Variants in NCBP1 observed in about 807,000 individuals in gnomAD.
NCBP1 encodes nuclear cap-binding protein subunit 1.
A neutral mutation model predicts 111.7 loss-of-function variants in NCBP1; 16 were observed. That is an observed-to-expected ratio of 0.14 (90% CI 0.10 to 0.22). The LOEUF is 0.22. Among genes scored for constraint, NCBP1 ranks in the 10% least tolerant of loss-of-function variants. NCBP1 has a pLI of 1.00. For synonymous variants in NCBP1, 304 were observed against 314.3 expected, an observed-to-expected ratio of 0.97 and a Z score of 0.35; for missense variants, 607 against 957.5, an observed-to-expected ratio of 0.63 and a Z score of 4.83.
rs144783604 is a variant in NCBP1 at position 97,660,208 on chromosome 9, G to A, written c.1478-738G>A. Reference sequence around the variant, plus strand: ...GTAATATGACTGTCCTCACATGACTGTTGTAATTTACTTTATTCATTCCAG... The same window carrying A: ...GTAATATGACTGTCCTCACATGACTATTGTAATTTACTTTATTCATTCCAG... On this transcript the variant is annotated intron_variant, in intron 15 of 22. Transcript: ENST00000375147. Among the ~76,000 whole-genome samples the A allele has an allele frequency of 2.0e-3, 300 of 152,256 alleles. 3 individuals carry two copies. The highest frequency in any genetic ancestry group is 0.016 in the South Asian group (78 of 4,816).
rs751262447 is a variant in NCBP1 at position 97,659,349 on chromosome 9, C to A, written c.1477+606C>A. Among the ~76,000 whole-genome samples, 49 of 152,296 alleles carry A rather than the reference C, an allele frequency of 3.2e-4. 1 individual carries two copies. The highest frequency in any genetic ancestry group is 5.9e-4 in the Non-Finnish European group (40 of 68,028). ...ACACTTAACACAGCCCCTCCATGAT[C>A]CTTCCATTTTGTGTTGTGTAGAGGT... On this transcript the variant is annotated intron_variant, in intron 15 of 22. Transcript: ENST00000375147.
chr9:97,645,864 C>T, intron 6 of NCBP1, 132 bp downstream of exon 6: 3 of 1,106,382 alleles, frequency 2.7e-6, no homozygotes, highest in Non-Finnish European at 2.5e-6. Flanking sequence ...TGTTCTCCTG[C>T]TGTTTTAACT....
At chr9:97,641,235 A>G (rs543430552) in intron 2 of NCBP1, among the ~76,000 whole-genome samples, 3 of 152,198 alleles carry the variant, frequency 2.0e-5, no homozygotes, top group African/African-American at 7.2e-5. Context: ...GTGTCCTCCC[A>G]TTTCTAATAC....
Position 97,664,376 on chromosome 9 carries a change from C to G in NCBP1, c.1834C>G (p.Gln612Glu). 1 of 1,612,912 alleles carries G rather than the reference C, an allele frequency of 6.2e-7. No individual in the cohort carries two copies. The highest frequency in any genetic ancestry group is 8.5e-7 in the Non-Finnish European group (1 of 1,179,008). The change falls in exon 19 of 23, where the codon CAA becomes GAA. Residue 612 changes from glutamine (Q) to glutamate (E), a missense_variant. Around this residue, in one of 9 missense-constraint regions of NCBP1, gnomAD observed 282 missense variants for 376.5 expected, o/e 0.75. Transcript: ENST00000375147. ...AVLVDKMIRT[Q>E]IVDCAAVANW... ...ACTAGTGGATAAGATGATTCGTACA[C>G]AAATAGTTGATTGTGCTGCCGTAGC...
At chr9:97,651,109 A>G (rs1587710325) in intron 9 of NCBP1, among the ~76,000 whole-genome samples, 1 of 152,312 alleles carries the variant, frequency 6.6e-6, no homozygotes, top group African/African-American at 2.4e-5. Flanking sequence ...TTGAGCTTTC[A>G]AGAAATTTTG....
intron 10 of NCBP1, among the ~76,000 whole-genome samples, chr9:97,653,431 T>C (rs1387626876): frequency 6.6e-6 from 1 of 152,148 alleles, no homozygotes; most frequent in Admixed American, 6.5e-5. Context: ...TAAGAGTTCT[T>C]GTTATTTATA....
intron 22 of NCBP1, chr9:97,669,914 A>G: frequency 2.0e-6 from 1 of 506,636 alleles, no homozygotes; most frequent in Non-Finnish European, 3.5e-6. Flanking sequence ...CCACCCCCCC[A>G]ACAACCCCCC....
chr9:97,645,784 T>A (rs764096465), intron 6 of NCBP1, 52 bp downstream of exon 6: 1 of 1,585,518 alleles, frequency 6.3e-7, no homozygotes, highest in African/African-American at 1.3e-5. Context: ...GGATATCTTA[T>A]ATCAGTGATA....
intron 10 of NCBP1, among the ~76,000 whole-genome samples, chr9:97,652,528 G>A (rs1827527383): frequency 6.6e-6 from 1 of 152,218 alleles, no homozygotes; most frequent in African/African-American, 2.4e-5. Context: ...TTAGGGGTGG[G>A]AGGATCACTT....
chr9:97,643,241 A>G lies in NCBP1; in HGVS notation c.262A>G (p.Thr88Ala), dbSNP rs561132889. Residue 88 changes from threonine (T) to alanine (A), a missense_variant, in exon 4 of 23, where the codon ACA (threonine) becomes GCA (alanine). Transcript: ENST00000375147. ...ACCTGAGAAGCTGACAATTTATACA[A>G]CATTAGTTGGACTACTGAATGCCAG... ...LLPEKLTIYTTLVGLLNARNY... is the reference protein window; with the variant it reads ...LLPEKLTIYTALVGLLNARNY... The G allele has an allele frequency of 3.7e-6, 6 of 1,611,164 alleles. No individual in the cohort carries two copies. Among genetic ancestry groups the G allele is most frequent in the African/African-American group, 1.3e-5 (1 of 74,822 alleles).
In NCBP1 at chr9:97,668,689, G is replaced by A. The variant is rs188174076; in HGVS notation, c.2017-157G>A. Among the ~76,000 whole-genome samples, 221 of 151,216 alleles carry A rather than the reference G, an allele frequency of 1.5e-3. 1 individual carries two copies. Among genetic ancestry groups the A allele is most frequent in the African/African-American group, 5.3e-3 (216 of 41,066 alleles). ...TGTCTCTGAACCACAACAGGACTTT[G>A]AGGTATATATGTGTGGGTGGCGGGG... On this transcript the variant is annotated intron_variant, in intron 20 of 22. Transcript: ENST00000375147.
intron 10 of NCBP1, among the ~76,000 whole-genome samples, chr9:97,652,360 A>G (rs142401248): frequency 3.2e-4 from 49 of 152,326 alleles, no homozygotes; most frequent in African/African-American, 1.1e-3. Context: ...GCTCATACCT[A>G]TAATTCCAGC....
intron 1 of NCBP1, among the ~76,000 whole-genome samples, chr9:97,639,231 A>G (rs1041370438): frequency 6.6e-6 from 1 of 152,180 alleles, no homozygotes; most frequent in Non-Finnish European, 1.5e-5. Flanking sequence ...TTATCATGGT[A>G]ATTAATGGGT....
At position 97,671,531 on chromosome 9, in the gene NCBP1, T is replaced by C. The variant is rs1469515303; in HGVS notation, c.*332T>C. 1 of 189,348 alleles carries C rather than the reference T, an allele frequency of 5.3e-6. No homozygotes were observed. The highest frequency in any genetic ancestry group is 1.1e-5 in the Non-Finnish European group (1 of 92,090). 11.7% of individuals were successfully genotyped at this position (189,348 alleles called of 1,614,324 possible). On this transcript the variant is annotated 3_prime_UTR_variant, in exon 23 of 23. Coordinates refer to ENST00000375147, the MANE Select transcript of NCBP1 (RefSeq NM_002486.5). ...CACTAGAGGTCAACCTTACATAGTATATAGAACTGATGGGTTTACCCAGCT... is the reference window on the plus strand; with the variant it reads ...CACTAGAGGTCAACCTTACATAGTACATAGAACTGATGGGTTTACCCAGCT...
At chr9:97,634,047 G>T in intron 1 of NCBP1, 132 bp downstream of exon 1, 1 of 1,168,360 alleles carries the variant, frequency 8.6e-7, no homozygotes, top group Non-Finnish European at 1.2e-6. Context: ...AGGGAAAGAG[G>T]AGAATATGGT....
chr9:97,646,406 G>A (rs1011899849), intron 6 of NCBP1, among the ~76,000 whole-genome samples: 4 of 152,062 alleles, frequency 2.6e-5, no homozygotes, highest in Non-Finnish European at 4.4e-5. Context: ...ACATGGTAAT[G>A]GTTATGTGGC....
intron 10 of NCBP1, among the ~76,000 whole-genome samples, chr9:97,652,380 G>C (rs907176998): frequency 6.6e-6 from 1 of 152,222 alleles, no homozygotes; most frequent in Non-Finnish European, 1.5e-5. Context: ...CAATTTGCGG[G>C]GCTCAGGCAG....
intron 19 of NCBP1, among the ~76,000 whole-genome samples, chr9:97,665,187 G>C (rs926185644): frequency 6.6e-6 from 1 of 152,198 alleles, no homozygotes; most frequent in Admixed American, 6.5e-5. Context: ...GAATTGTTAG[G>C]GTGATAGGGT....
chr9:97,650,461 G>A lies in NCBP1; in HGVS notation c.898-42G>A, dbSNP rs200948717. 7.7e-6 allele frequency: 11 copies of A among 1,429,342 alleles called. No individual in the cohort carries two copies. The African/African-American group carries it at 1.4e-4, about 19-fold the overall frequency. The allele number at this position is 1,429,342 out of a possible 1,614,324, so 88.5% of individuals were successfully genotyped here. ...TTTGTTGAATAAGTAAAAGAAATCT[G>A]TTTTCTAGGCCTGTAGTGTACACAT... On this transcript the variant is annotated intron_variant, in intron 8 of 22. Coordinates refer to ENST00000375147, the MANE Select transcript of NCBP1 (RefSeq NM_002486.5).
Sources: gnomAD v4.1 joint callset for allele counts (sites outside exome capture counted in the v4.1 genomes callset) on GRCh38, gnomAD v4.1.1 for gene constraint, gnomAD v4.1.1 regional missense constraint, MANE v1.5 for transcripts, NCBI Gene and HGNC (gene_info 2026-07-23, HGNC 2026-07-21) for gene names.